BLTP1: variants seen among roughly 807,000 people sequenced by gnomAD.
BLTP1 encodes fragile site-associated protein.
the BLTP1 span, chr4:122,276,664 T>C: frequency 3.1e-6 from 3 of 954,104 alleles, no homozygotes; most frequent in Non-Finnish European, 3.7e-6. Flanking sequence ...TAGAAATGAT[T>C]CAAAATTCAG....
the BLTP1 span, chr4:122,250,395 G>A: frequency 6.2e-7 from 1 of 1,613,042 alleles, no homozygotes; most frequent in Non-Finnish European, 8.5e-7. Context: ...TTATATAACA[G>A]TTTTGGAATT....
chr4:122,279,252 A>G, the BLTP1 span, among the ~76,000 whole-genome samples: 1 of 152,012 alleles, frequency 6.6e-6, no homozygotes, highest in African/African-American at 2.4e-5. Context: ...TTGTGCTGTT[A>G]ATTGTTGGTC....
chr4:122,358,262 T>C, the BLTP1 span, among the ~76,000 whole-genome samples: 1 of 152,198 alleles, frequency 6.6e-6, no homozygotes, highest in Non-Finnish European at 1.5e-5. Flanking sequence ...TTGTTTCTCT[T>C]GGGTATGATG....
At chr4:122,295,219 C>A in the BLTP1 span, among the ~76,000 whole-genome samples, 2 of 152,128 alleles carry the variant, frequency 1.3e-5, no homozygotes, top group Non-Finnish European at 2.9e-5. Context: ...ACTTCCCCAA[C>A]TGAGCAAGAC....
the BLTP1 span, chr4:122,269,567 T>C: frequency 1.0e-6 from 1 of 985,400 alleles, no homozygotes; most frequent in East Asian, 1.1e-4. Context: ...TCTTATTTAT[T>C]TGGAGACCTT....
the BLTP1 span, chr4:122,260,032 C>A: frequency 2.1e-6 from 1 of 487,302 alleles, no homozygotes; most frequent in Non-Finnish European, 2.7e-6. Context: ...AGAAATGGAT[C>A]ATTAGGCAAT....
the BLTP1 span, among the ~76,000 whole-genome samples, chr4:122,194,051 A>G: frequency 2.0e-5 from 3 of 151,768 alleles, no homozygotes; most frequent in South Asian, 4.2e-4. Context: ...TTTAGTAGAG[A>G]CGGGGTTTCA....
At chr4:122,353,207 A>G in the BLTP1 span, 1 of 1,581,352 alleles carries the variant, frequency 6.3e-7, no homozygotes, top group Admixed American at 1.8e-5. The surrounding 1 kb of genome is among the most constrained non-coding windows in gnomAD (Gnocchi z 4.3). Flanking sequence ...TGTTATGACT[A>G]TAAATGACAA....
the BLTP1 span, among the ~76,000 whole-genome samples, chr4:122,318,980 G>A: frequency 1.3e-5 from 2 of 151,972 alleles, no homozygotes; most frequent in Non-Finnish European, 2.9e-5. Flanking sequence ...TCAAGGAATC[G>A]GTCTATTTCA....
the BLTP1 span, chr4:122,273,337 T>G: frequency 1.0e-6 from 1 of 984,606 alleles, no homozygotes; most frequent in African/African-American, 1.7e-5. Flanking sequence ...GTACTTGGGA[T>G]TGACATGGTG....
chr4:122,244,062 T>C, the BLTP1 span: 1 of 1,532,254 alleles, frequency 6.5e-7, no homozygotes. Flanking sequence ...ACTGTTGCTT[T>C]ATACAATGAT....
At chr4:122,347,413 G>A in the BLTP1 span, 1 of 1,391,614 alleles carries the variant, frequency 7.2e-7, no homozygotes, top group Non-Finnish European at 9.7e-7. Flanking sequence ...AGAACTAGAA[G>A]GAATATGTAA....
the BLTP1 span, chr4:122,247,865 G>C: frequency 2.0e-6 from 2 of 978,828 alleles, no homozygotes; most frequent in South Asian, 4.7e-5. Context: ...TAATATTTTT[G>C]ATTCTTATTT....
the BLTP1 span, chr4:122,170,376 CTTAG>C: frequency 4.1e-6 from 4 of 974,302 alleles, no homozygotes; most frequent in Non-Finnish European, 4.9e-6. Context: ...GTAATTGAAC[CTTAG>C]TTAGTGCTTA....
At chr4:122,260,261 T>C in the BLTP1 span, among the ~76,000 whole-genome samples, 1 of 152,200 alleles carries the variant, frequency 6.6e-6, no homozygotes, top group African/African-American at 2.4e-5. Context: ...ATTATAATCT[T>C]ATGGGTTCAC....
At chr4:122,322,844 T>C in the BLTP1 span, among the ~76,000 whole-genome samples, 1 of 152,152 alleles carries the variant, frequency 6.6e-6, no homozygotes, top group African/African-American at 2.4e-5. Flanking sequence ...AGGCTCTGGT[T>C]AGCTAATTTC....
chr4:122,261,248 T>G, the BLTP1 span: 2 of 976,188 alleles, frequency 2.0e-6, no homozygotes, highest in Non-Finnish European at 2.4e-6. Flanking sequence ...TTGGGACACT[T>G]TAATCTGTCT....
the BLTP1 span, chr4:122,328,423 A>T: frequency 7.1e-7 from 1 of 1,406,268 alleles, no homozygotes; most frequent in Non-Finnish European, 9.8e-7. Context: ...ACAAAATGTT[A>T]TATATAACTC....
the BLTP1 span, chr4:122,301,337 T>A: frequency 1.2e-6 from 2 of 1,605,294 alleles, no homozygotes; most frequent in Non-Finnish European, 1.7e-6. Flanking sequence ...ACGAACATGA[T>A]GGAACAGCAG....
Sources: allele counts gnomAD v4.1 joint callset (sites outside exome capture counted in the v4.1 genomes callset), GRCh38; gene constraint gnomAD v4.1.1; non-coding constraint Gnocchi (gnomAD v3.1); transcripts MANE v1.5; gene names NCBI Gene and HGNC (gene_info 2026-07-23, HGNC 2026-07-21).